NEBL: variants seen among roughly 807,000 people sequenced by gnomAD.
NEBL encodes nebulette.
NEBL carries 122 observed loss-of-function variants against 140.2 expected under a neutral mutation model. That is an observed-to-expected ratio of 0.87 (90% CI 0.75 to 1.01). The LOEUF (loss-of-function observed/expected upper bound fraction) is 1.01, where lower values mean the gene tolerates loss of function less well. Ranked by LOEUF, NEBL falls within the 50% of genes least tolerant of loss-of-function variation. The probability of loss-of-function intolerance (pLI) is 0.00; values close to 1 mark genes in which losing one functional copy is unlikely to be tolerated. For synonymous variants in NEBL, 436 were observed against 398.9 expected (o/e 1.09, Z -1.11); for missense variants, 1,365 against 1,231.3 (o/e 1.11, Z -1.62).
At chr10:20,794,535 C>A (rs559152636) in intron 26 of NEBL, among the ~76,000 whole-genome samples, 1 of 152,064 alleles carries the variant, frequency 6.6e-6, no homozygotes, top group African/African-American at 2.4e-5. Context: ...ATAAATGTAT[C>A]CTTTTAATCG....
chr10:21,269,201 G>A (rs926327408), intron 1 of NEBL, among the ~76,000 whole-genome samples: 6 of 152,112 alleles, frequency 3.9e-5, no homozygotes, highest in Non-Finnish European at 8.8e-5. Context: ...TGGTACCCAG[G>A]GGCCTTCTGA....
intron 26 of NEBL, among the ~76,000 whole-genome samples, chr10:20,793,991 T>G (rs149804343): frequency 6.6e-6 from 1 of 152,354 alleles, no homozygotes; most frequent in East Asian, 1.9e-4. Flanking sequence ...ATTCCCTCTT[T>G]TCCCCCAGTG....
Position 21,246,371 on chromosome 10 carries a change from G to A in NEBL, n.348+1550C>T, listed in dbSNP as rs184541006. On this transcript the variant is annotated intron_variant and non_coding_transcript_variant, in intron 3 of 8. Coordinates refer to the NEBL transcript ENST00000675702. ...ATCCCACTGCTGGGTATTAACCTTAGAAAAGGAAAATGTTACGTCATACAA... is the reference window on the plus strand; with the variant it reads ...ATCCCACTGCTGGGTATTAACCTTAAAAAAGGAAAATGTTACGTCATACAA... Among the ~76,000 whole-genome samples the A allele has an allele frequency of 1.2e-3, 190 of 152,302 alleles. 1 individual carries two copies. The highest frequency in any genetic ancestry group is 4.8e-3 in the South Asian group (23 of 4,828).
chr10:20,829,685 A>G (rs192419006), intron 16 of NEBL, among the ~76,000 whole-genome samples: 1 of 152,148 alleles, frequency 6.6e-6, no homozygotes, highest in African/African-American at 2.4e-5. Context: ...TATTTCAGTG[A>G]TTAAAATCCC....
intron 4 of NEBL, among the ~76,000 whole-genome samples, chr10:20,946,299 T>C (rs1055747242): frequency 1.3e-5 from 2 of 152,224 alleles, no homozygotes; most frequent in African/African-American, 2.4e-5. Flanking sequence ...GAGCTCACTA[T>C]GAAAATCTAT....
At chr10:20,964,700 G>A (rs1036129268) in intron 3 of NEBL, among the ~76,000 whole-genome samples, 3 of 152,144 alleles carry the variant, frequency 2.0e-5, no homozygotes, top group Admixed American at 1.3e-4. Flanking sequence ...GTGCTCTTTT[G>A]CTATGGTCTG....
rs183355819 is a variant in NEBL, at chr10:20,805,088, T to A, written c.2761+3422A>T. Among the ~76,000 whole-genome samples the A allele has an allele frequency of 8.9e-4, 135 of 152,222 alleles. 2 individuals carry two copies. Among genetic ancestry groups the A allele is most frequent in the Admixed American group, 8.2e-3 (125 of 15,292 alleles). ...TTTTGTCATGGTCCAGCTGACAAGA[T>A]TTGCCAATGAACTAGACATGGGGTA... is the stretch of plus-strand genomic sequence containing the variant. On this transcript the variant is annotated intron_variant, in intron 26 of 27. Transcript: ENST00000377122.
intron 1 of NEBL, among the ~76,000 whole-genome samples, chr10:21,253,194 G>A (rs902419927): frequency 1.2e-4 from 19 of 152,272 alleles, no homozygotes; most frequent in African/African-American, 2.4e-4. Context: ...TCGCTTGAAC[G>A]AGGGAGGCGA....
At chr10:20,826,935 T>C (rs538228858) in intron 17 of NEBL, among the ~76,000 whole-genome samples, 186 of 152,320 alleles carry the variant, frequency 1.2e-3, no homozygotes, top group Middle Eastern at 6.8e-3. Flanking sequence ...AAATGACATT[T>C]TAGGCAACTT....
chr10:21,045,013 T>C (rs1232541073), intron 2 of NEBL, among the ~76,000 whole-genome samples: 1 of 152,232 alleles, frequency 6.6e-6, no homozygotes, highest in Non-Finnish European at 1.5e-5. Context: ...ATACAGGCAT[T>C]CTCAGAAGAA....
intron 8 of NEBL, among the ~76,000 whole-genome samples, chr10:20,859,043 T>C (rs1843394754): frequency 6.6e-6 from 1 of 152,122 alleles, no homozygotes; most frequent in Admixed American, 6.5e-5. Context: ...ATTTCATCTC[T>C]ATTTCTAAGA....
intron 2 of NEBL, among the ~76,000 whole-genome samples, chr10:21,100,144 T>C (rs755385542): frequency 3.6e-4 from 55 of 152,190 alleles, no homozygotes; most frequent in Admixed American, 2.2e-3. Context: ...CATCACATTC[T>C]ATTGACTCTT....
chr10:20,962,733 TAG>T (rs1224583955), intron 3 of NEBL, among the ~76,000 whole-genome samples: 1 of 152,218 alleles, frequency 6.6e-6, no homozygotes, highest in Non-Finnish European at 1.5e-5. Context: ...TGATAATCCA[TAG>T]AATCCCCATT....
intron 4 of NEBL, among the ~76,000 whole-genome samples, chr10:20,916,005 C>T (rs1439643831): frequency 6.6e-6 from 1 of 152,186 alleles, no homozygotes; most frequent in Non-Finnish European, 1.5e-5. Context: ...GACAGTAAGA[C>T]ATAACAGACT....
chr10:20,998,427 G>C (rs1419930563), intron 3 of NEBL, among the ~76,000 whole-genome samples: 2 of 152,116 alleles, frequency 1.3e-5, no homozygotes, highest in African/African-American at 4.8e-5. Context: ...GTCTGTTATT[G>C]TTTCCAATAA....
intron 2 of NEBL, among the ~76,000 whole-genome samples, chr10:21,067,232 A>C (rs1835607104): frequency 6.6e-6 from 1 of 152,038 alleles, no homozygotes; most frequent in South Asian, 2.1e-4. Context: ...CGGCCTCCCA[A>C]AGTGCTGAGA....
chr10:21,286,789 A>G (rs7916360), intron 1 of NEBL, among the ~76,000 whole-genome samples: 97,909 of 151,610 alleles, frequency 0.65, 32,469 homozygotes, highest in East Asian at 0.96. Context: ...CAGTGAGCCG[A>G]GATGGCGCCA....
At chr10:21,115,899 T>C (rs1838262866) in intron 2 of NEBL, among the ~76,000 whole-genome samples, 1 of 152,118 alleles carries the variant, frequency 6.6e-6, no homozygotes, top group Non-Finnish European at 1.5e-5. Context: ...GATGGGCTAT[T>C]TTCTACGGTC....
intron 2 of NEBL, among the ~76,000 whole-genome samples, chr10:21,080,075 T>A (rs10828184): frequency 0.83 from 126,000 of 152,214 alleles, 52,603 homozygotes; most frequent in Middle Eastern, 0.9. Context: ...AACATAAATC[T>A]TCACAGGTGA....
Sources: gnomAD v4.1 joint callset for allele counts (sites outside exome capture counted in the v4.1 genomes callset) on GRCh38, gnomAD v4.1.1 for gene constraint, MANE v1.5 for transcripts, NCBI Gene and HGNC (gene_info 2026-07-23, HGNC 2026-07-21) for gene names.